Variants in HHLA1 observed in about 807,000 individuals in gnomAD.
HHLA1 encodes the protein HHLA1 neighbor of OC90, also known as HERV-H LTR-associating protein 1.
HHLA1 carries 72 observed loss-of-function variants against 69.9 expected under a neutral mutation model. The ratio of observed to expected loss-of-function variants is 1.03; its 90% CI spans 0.85 to 1.25. The LOEUF is 1.25. Among genes scored for constraint, HHLA1 ranks in the 50% most tolerant of loss-of-function variants. The probability of loss-of-function intolerance (pLI) is 0.00; values close to 1 mark genes in which losing one functional copy is unlikely to be tolerated. For synonymous variants in HHLA1, 252 were observed against 233.2 expected, an observed-to-expected ratio of 1.08 and a Z score of -0.73; for missense variants, 685 against 642.2, an observed-to-expected ratio of 1.07 and a Z score of -0.72.
At chr8:132,070,130 A>T (rs1823508668) in intron 15 of HHLA1, 1 of 397,544 alleles carries the variant, frequency 2.5e-6, no homozygotes, top group South Asian at 4.9e-5. Flanking sequence ...TCTTGAGAGT[A>T]GTCTTTGAAA....
chr8:132,092,014 T>G (rs1823953426), intron 7 of HHLA1, among the ~76,000 whole-genome samples: 1 of 152,150 alleles, frequency 6.6e-6, no homozygotes, highest in African/African-American at 2.4e-5. Context: ...GGAGACAAAT[T>G]AAATAAATCA....
intron 5 of HHLA1, among the ~76,000 whole-genome samples, 181 bp from the exon 6 acceptor site, chr8:132,095,967 A>T (rs1482863066): frequency 1.3e-5 from 2 of 152,250 alleles, no homozygotes; most frequent in African/African-American, 4.8e-5. Context: ...TAAACCAAAA[A>T]GCTGAAGAGT....
intron 5 of HHLA1, among the ~76,000 whole-genome samples, chr8:132,098,225 T>C (rs1382982806): frequency 6.6e-6 from 1 of 152,172 alleles, no homozygotes; most frequent in Non-Finnish European, 1.5e-5. Context: ...AAGTATGTGT[T>C]ACATACAAAT....
At chr8:132,094,145 A>G (rs1823985092) in intron 7 of HHLA1, among the ~76,000 whole-genome samples, 1 of 152,020 alleles carries the variant, frequency 6.6e-6, no homozygotes, top group Non-Finnish European at 1.5e-5. Context: ...TTCACTGGTT[A>G]CATAGTCATT....
Position 132,079,974 on chromosome 8 carries a change from G to A in HHLA1, c.677-8C>T, listed in dbSNP as rs966223114. 10 of 1,552,190 alleles carry A rather than the reference G, an allele frequency of 6.4e-6. No homozygotes were observed. Among genetic ancestry groups the A allele is most frequent in the East Asian group, 2.4e-5 (1 of 40,938 alleles). ...TTCCCCTGGTAGCTGCACCTTCAGG[G>A]AGGCAGTCAATGGTAACATTAACAT... On this transcript the variant is annotated splice_polypyrimidine_tract_variant and splice_region_variant and intron_variant, in intron 10 of 16. Transcript: ENST00000414222.
Position 132,063,151 on chromosome 8 carries a change from G to C in HHLA1, c.*844C>G, listed in dbSNP as rs73353141. ...TTTCTGGGAGGATTAGATGCTGACT[G>C]TGCAACCCCACTGGAAGCTTGTGCC... On this transcript the variant is annotated 3_prime_UTR_variant, in exon 17 of 17. Coordinates refer to ENST00000414222, the MANE Select transcript of HHLA1 (RefSeq NM_001145095.3). 0.071 allele frequency: 10,749 copies of C among 152,264 alleles called. 445 individuals are homozygous for C. Among genetic ancestry groups the C allele is most frequent in the African/African-American group, 0.11 (4,414 of 41,532 alleles). The allele number at this position is 152,264 out of a possible 1,614,324, so 9.4% of individuals were successfully genotyped here.
At chr8:132,088,457 C>T (rs72715341) in intron 8 of HHLA1, among the ~76,000 whole-genome samples, 8,307 of 152,204 alleles carry the variant, frequency 0.055, 300 homozygotes, top group Non-Finnish European at 0.083. Context: ...AGGATGTGCA[C>T]ACTTTATTAG....
rs547442632 is a variant in HHLA1, at chr8:132,068,740, G to A, written c.1469+2600C>T. On this transcript the variant is annotated intron_variant, in intron 15 of 16. Transcript: ENST00000414222. ...GTCAGCAGCAGCCTGAATAGAAGAG[G>A]AGCCGTGGACACTTCACTGGGGCCT... Among the ~76,000 whole-genome samples, 3 of 152,336 alleles carry A rather than the reference G, an allele frequency of 2.0e-5. No homozygotes were observed. In the South Asian group the frequency reaches 6.2e-4, roughly 32 times the overall value.
intron 15 of HHLA1, among the ~76,000 whole-genome samples, chr8:132,069,160 G>A (rs1158585356): frequency 1.3e-5 from 2 of 152,162 alleles, no homozygotes; most frequent in Admixed American, 6.5e-5. Context: ...CATCTCAGTG[G>A]TCCTTAGATG....
intron 10 of HHLA1, among the ~76,000 whole-genome samples, chr8:132,084,053 T>C (rs1823814599): frequency 5.3e-5 from 8 of 151,854 alleles, no homozygotes; most frequent in Admixed American, 5.3e-4. Flanking sequence ...TTATATTTGA[T>C]GAAAAAGAGC....
Position 132,077,957 on chromosome 8 carries a change from C to T in HHLA1, c.940G>A (p.Ala314Thr), listed in dbSNP as rs867627923. 2.6e-6 allele frequency: 4 copies of T among 1,551,552 alleles called. 1 individual carries two copies. Among genetic ancestry groups the T allele is most frequent in the Middle Eastern group, 1.7e-4 (1 of 5,992 alleles). ...TCAGCTGTCAACCACTGAGTTCTGG[C>T]CACCCTCCTGGTAGCTGCACATTCA... ...TLPALATRRV[A>T]RTQWLTADRQ... is the part of the protein sequence containing the mutation. The change falls in exon 12 of 17, where the codon GCC becomes ACC. Residue 314 changes from alanine (A) to threonine (T), a missense_variant. Transcript: ENST00000414222.
At chr8:132,105,114 G>T in intron 2 of HHLA1, 73 bp downstream of exon 2, 1 of 1,128,992 alleles carries the variant, frequency 8.9e-7, no homozygotes, top group Non-Finnish European at 1.3e-6. Context: ...GGCTGCTGAG[G>T]TTCTCTAAAG....
At chr8:132,076,232 AATCT>A (rs1243039162) in intron 13 of HHLA1, 103 bp from the exon 14 acceptor site, 1 of 901,414 alleles carries the variant, frequency 1.1e-6, no homozygotes, top group Non-Finnish European at 1.7e-6. Context: ...TCATTCTTGA[AATCT>A]ATAGGAAAAT....
intron 3 of HHLA1, 96 bp from the exon 4 acceptor site, chr8:132,100,230 C>G: frequency 8.1e-6 from 7 of 865,368 alleles, no homozygotes; most frequent in South Asian, 5.7e-5. Context: ...GGCCTCTGCT[C>G]TCCGTGTGAG....
intron 4 of HHLA1, among the ~76,000 whole-genome samples, chr8:132,099,618 C>T (rs1233121302): frequency 6.6e-6 from 1 of 152,286 alleles, no homozygotes; most frequent in African/African-American, 2.4e-5. Context: ...CTTTGGGAGG[C>T]TGAGGTGGGT....
At chr8:132,091,581 A>G (rs1823946072) in intron 7 of HHLA1, among the ~76,000 whole-genome samples, 1 of 152,260 alleles carries the variant, frequency 6.6e-6, no homozygotes, top group Admixed American at 6.5e-5. Context: ...TTATTAACTC[A>G]AAGATATTCT....
chr8:132,101,201 A>G lies in HHLA1; in HGVS notation c.140-1067T>C, dbSNP rs900311900. 5 of 1,549,772 alleles carry G rather than the reference A, an allele frequency of 3.2e-6. No individual in the cohort carries two copies. The African/African-American group carries it at 5.5e-5, about 17-fold the overall frequency. ...GTCTGAAAAATGTGCCCTGCATTAC[A>G]GAGTAAGTCAGGATTTAGGGCTGCC... On this transcript the variant is annotated intron_variant, in intron 3 of 16. Transcript: ENST00000414222.
intron 10 of HHLA1, among the ~76,000 whole-genome samples, chr8:132,086,938 T>C (rs1823874440): frequency 6.6e-6 from 1 of 152,200 alleles, no homozygotes; most frequent in Non-Finnish European, 1.5e-5. Context: ...GAAGGCAGGC[T>C]GTGAGGCTGA....
Position 132,079,889 on chromosome 8 carries a change from C to G in HHLA1, c.754G>C (p.Gly252Arg). The G allele has an allele frequency of 6.4e-7, 1 of 1,552,126 alleles. No individual in the cohort carries two copies. Among genetic ancestry groups the G allele is most frequent in the Non-Finnish European group, 8.7e-7 (1 of 1,147,088 alleles). Reference sequence around the variant, plus strand: ...CAGGGTGTGCTCTGGGTCCAGTGTCCGGGGCTTGTACTTGGTAGTGTTTTC... The same window carrying G: ...CAGGGTGTGCTCTGGGTCCAGTGTCGGGGGCTTGTACTTGGTAGTGTTTTC... ...SQKTLPSTSPGHWTQSTPWAS... is the reference protein window; with the variant it reads ...SQKTLPSTSPRHWTQSTPWAS... The change falls in exon 11 of 17, where the codon GGA becomes CGA. Residue 252 changes from glycine to arginine, a missense_variant. Transcript: ENST00000414222.
Sources: allele counts gnomAD v4.1 joint callset (sites outside exome capture counted in the v4.1 genomes callset), GRCh38; gene constraint gnomAD v4.1.1; transcripts MANE v1.5; gene names NCBI Gene and HGNC (gene_info 2026-07-23, HGNC 2026-07-21).